MCFD2: variants seen among roughly 807,000 people sequenced by gnomAD.
The protein encoded by MCFD2 is multiple coagulation factor deficiency protein 2.
Under a neutral mutation model 12.8 loss-of-function variants are expected in MCFD2, and 11 were observed. The ratio of observed to expected loss-of-function variants is 0.86; its 90% CI spans 0.54 to 1.42. The LOEUF (loss-of-function observed/expected upper bound fraction) is 1.42, where lower values mean the gene tolerates loss of function less well. MCFD2 is among the 40% of genes most tolerant of loss of function. MCFD2 has a pLI of 0.00. For missense variants in MCFD2, 191 were observed against 178.6 expected, an observed-to-expected ratio of 1.07 and a Z score of -0.40; for synonymous variants, 70 against 68.1, an observed-to-expected ratio of 1.03 and a Z score of -0.14.
intron 1 of MCFD2, among the ~76,000 whole-genome samples, chr2:46,921,939 G>C (rs1440066317): frequency 6.6e-6 from 1 of 152,230 alleles, no homozygotes; most frequent in Non-Finnish European, 1.5e-5. Context: ...ACTTCCTGCT[G>C]TGCAGCTGAC....
chr2:46,937,286 A>G lies in MCFD2; in HGVS notation c.-8+4286T>C, dbSNP rs1249443402. Among the ~76,000 whole-genome samples the G allele has an allele frequency of 1.3e-5, 2 of 151,258 alleles. No individual in the cohort carries two copies. Among genetic ancestry groups the G allele is most frequent in the Non-Finnish European group, 2.9e-5 (2 of 67,840 alleles). On this transcript the variant is annotated intron_variant, in intron 1 of 2. Coordinates refer to the MCFD2 transcript ENST00000409147. This position sits in a 1 kb window ranked among gnomAD's most constrained non-coding sequence, Gnocchi z 4.0. ...CCTGCTATTTCTTTTCCCCTACCCTATGCTCCTCCATCTCCCTCTGCCCTT... is the reference window on the plus strand; with the variant it reads ...CCTGCTATTTCTTTTCCCCTACCCTGTGCTCCTCCATCTCCCTCTGCCCTT...
intron 1 of MCFD2, among the ~76,000 whole-genome samples, chr2:46,929,361 C>A (rs1203539494): frequency 6.6e-6 from 1 of 152,054 alleles, no homozygotes; most frequent in Non-Finnish European, 1.5e-5. Context: ...GTGGTACACA[C>A]CTGTAGTTCT....
chr2:46,906,475 ATTTTTTTT>A (rs70940646), intron 3 of MCFD2, among the ~76,000 whole-genome samples: 25 of 91,702 alleles, frequency 2.7e-4, no homozygotes, highest in Non-Finnish European at 4.8e-4. Flanking sequence ...AGGCACGAGG[ATTTTTTTT>A]TTTTTTTTTT....
chr2:46,918,365 A>C (rs190396477), upstream of MCFD2, among the ~76,000 whole-genome samples: 13 of 152,282 alleles, frequency 8.5e-5, no homozygotes, highest in East Asian at 2.5e-3. Context: ...CACCTCCACT[A>C]AACCATCTAG....
chr2:46,922,009 T>C (rs1433900630), intron 1 of MCFD2, among the ~76,000 whole-genome samples: 1 of 152,196 alleles, frequency 6.6e-6, no homozygotes, highest in Non-Finnish European at 1.5e-5. Flanking sequence ...AATAAAAAAC[T>C]AAAGACATAC....
In MCFD2 at chr2:46,908,913, G is replaced by C; in HGVS notation, c.149+110C>G. 2 of 1,362,956 alleles carry C rather than the reference G, an allele frequency of 1.5e-6. No homozygotes were observed. Among genetic ancestry groups the C allele is most frequent in the Non-Finnish European group, 2.1e-6 (2 of 952,574 alleles). 84.4% of individuals were successfully genotyped at this position (1,362,956 alleles called of 1,614,324 possible). A position where few individuals can be genotyped will look rare whatever the true frequency, so the allele number is the denominator to read the frequency against. On this transcript the variant is annotated intron_variant, in intron 2 of 3. Transcript: ENST00000319466. The surrounding 1 kb of genome is among the most constrained non-coding windows in gnomAD (Gnocchi z 4.5). ...AAGAATCATCCTTGAAGAATGTCAAGGAGCCATAGAAACAGGAAGAAGGAA... is the reference window on the plus strand; with the variant it reads ...AAGAATCATCCTTGAAGAATGTCAACGAGCCATAGAAACAGGAAGAAGGAA...
At chr2:46,922,269 C>G (rs970322097) in intron 1 of MCFD2, among the ~76,000 whole-genome samples, 1 of 152,144 alleles carries the variant, frequency 6.6e-6, no homozygotes, top group African/African-American at 2.4e-5. Flanking sequence ...AATTTCTCAG[C>G]ACTTACTCAT....
chr2:46,919,127 TA>T (rs768282900), upstream of MCFD2, among the ~76,000 whole-genome samples: 1 of 152,246 alleles, frequency 6.6e-6, no homozygotes, highest in Admixed American at 6.5e-5. Flanking sequence ...TGGATGAGAA[TA>T]GGGGTGAAAA....
At position 46,937,760 on chromosome 2, in the gene MCFD2, G is replaced by T. The variant is rs1171707666; in HGVS notation, c.-8+3812C>A. Among the ~76,000 whole-genome samples the T allele has an allele frequency of 6.6e-6, 1 of 152,204 alleles. No homozygotes were observed. The highest frequency in any genetic ancestry group is 1.5e-5 in the Non-Finnish European group (1 of 68,036). ...GCCCAACAGTGATTTCAAAGGCCAT[G>T]GATTGCATAGGAAGCTGAAGGGGTT... On this transcript the variant is annotated intron_variant, in intron 1 of 2. Transcript: ENST00000409147. The surrounding 1 kb of genome is among the most constrained non-coding windows in gnomAD (Gnocchi z 4.0).
chr2:46,919,047 T>G (rs965857095), upstream of MCFD2, among the ~76,000 whole-genome samples: 3 of 152,168 alleles, frequency 2.0e-5, no homozygotes, highest in African/African-American at 7.2e-5. Flanking sequence ...GGCCTCTAGG[T>G]GGCATCTCTT....
rs144541537 is a variant in MCFD2, at chr2:46,908,483, C to G, written c.150-514G>C. ...TTCCCTATATTGCCTAGGCTGGTCTCGAATTCCTGGGCTCAAGTAATCCAC... is the reference window on the plus strand; with the variant it reads ...TTCCCTATATTGCCTAGGCTGGTCTGGAATTCCTGGGCTCAAGTAATCCAC... On this transcript the variant is annotated intron_variant, in intron 2 of 3. Transcript: ENST00000319466. The surrounding 1 kb of genome is among the most constrained non-coding windows in gnomAD (Gnocchi z 4.5). 7.9e-6 allele frequency: 2 copies of G among 253,756 alleles called. No homozygotes were observed. The highest frequency in any genetic ancestry group is 2.3e-5 in the African/African-American group (1 of 43,416). The allele number at this position is 253,756 out of a possible 1,614,324, so 15.7% of individuals were successfully genotyped here.
At chr2:46,920,694 C>G (rs1669060135), upstream of MCFD2, among the ~76,000 whole-genome samples, 1 of 151,698 alleles carries the variant, frequency 6.6e-6, no homozygotes, top group South Asian at 2.1e-4. Flanking sequence ...TTTGATCACC[C>G]TGACATCCCA....
chr2:46,909,410 G>A (rs888656439), intron 1 of MCFD2, among the ~76,000 whole-genome samples: 3 of 152,228 alleles, frequency 2.0e-5, no homozygotes, highest in African/African-American at 7.2e-5. Context: ...TGCCTGCAGA[G>A]TGCCAAGCAA....
rs1668170326 is a variant in MCFD2, at chr2:46,905,266, T to C, written c.*197A>G. Reference sequence around the variant, plus strand: ...GTCCAATAAGGTATTTAATAGCACTTAGGGACTATTAGATGTCCCATTTCT... The same window carrying C: ...GTCCAATAAGGTATTTAATAGCACTCAGGGACTATTAGATGTCCCATTTCT... On this transcript the variant is annotated 3_prime_UTR_variant, in exon 4 of 4. Transcript: ENST00000319466. 4.7e-6 allele frequency: 3 copies of C among 633,176 alleles called. No homozygotes were observed. Among genetic ancestry groups the C allele is most frequent in the African/African-American group, 3.6e-5 (2 of 55,462 alleles). The allele number at this position is 633,176 out of a possible 1,614,324, so 39.2% of individuals were successfully genotyped here.
intron 1 of MCFD2, among the ~76,000 whole-genome samples, chr2:46,938,472 G>C (rs1670089255): frequency 6.6e-6 from 1 of 152,088 alleles, no homozygotes; most frequent in South Asian, 2.1e-4. Flanking sequence ...TCTACTTTGT[G>C]ACACTATACT....
Position 46,905,091 on chromosome 2 carries a change from A to C in MCFD2, c.*372T>G, listed in dbSNP as rs1668163193. 6.0e-6 allele frequency: 2 copies of C among 335,162 alleles called. No individual in the cohort carries two copies. The highest frequency in any genetic ancestry group is 2.2e-5 in the African/African-American group (1 of 46,422). 20.8% of individuals were successfully genotyped at this position (335,162 alleles called of 1,614,324 possible). On this transcript the variant is annotated 3_prime_UTR_variant, in exon 4 of 4. Transcript: ENST00000319466. Reference sequence around the variant, plus strand: ...TCATTTTCTCTTGCTGCCATGTAAGAAGTGCCTTTCACCTCCCGCCATGAT... The same window carrying C: ...TCATTTTCTCTTGCTGCCATGTAAGCAGTGCCTTTCACCTCCCGCCATGAT...
chr2:46,921,278 C>T (rs373928142), intron 1 of MCFD2, among the ~76,000 whole-genome samples: 1 of 152,074 alleles, frequency 6.6e-6, no homozygotes, highest in African/African-American at 2.4e-5. Context: ...TCCTAAATAA[C>T]GTAGAAAAAA....
intron 1 of MCFD2, among the ~76,000 whole-genome samples, chr2:46,931,422 G>A (rs1174684560): frequency 1.3e-5 from 2 of 152,206 alleles, no homozygotes; most frequent in Non-Finnish European, 1.5e-5. Context: ...ACTTTGCAGA[G>A]GTGATTAAAT....
intron 1 of MCFD2, among the ~76,000 whole-genome samples, chr2:46,936,378 C>A (rs971147225): frequency 6.6e-6 from 1 of 152,054 alleles, no homozygotes; most frequent in Non-Finnish European, 1.5e-5. Context: ...TGTCTCTGAT[C>A]AAAACTTTAT....
Sources: allele counts gnomAD v4.1 joint callset (sites outside exome capture counted in the v4.1 genomes callset), GRCh38; gene constraint gnomAD v4.1.1; non-coding constraint Gnocchi (gnomAD v3.1); transcripts MANE v1.5; gene names NCBI Gene and HGNC (gene_info 2026-07-23, HGNC 2026-07-21).